The following MTCH1 variants were observed in gnomAD, a reference collection of about 807,000 sequenced individuals.
The protein encoded by MTCH1 is mitochondrial carrier homolog 1.
A neutral mutation model predicts 49.3 loss-of-function variants in MTCH1; 23 were observed. The observed-to-expected ratio is 0.47, with a 90% CI of 0.34 to 0.66. MTCH1 has a LOEUF of 0.66. Among genes scored for constraint, MTCH1 ranks in the 30% least tolerant of loss-of-function variants. MTCH1 has a pLI of 0.01. For missense variants in MTCH1, 397 were observed against 532.1 expected, an observed-to-expected ratio of 0.75 and a Z score of 2.50; for synonymous variants, 229 against 215.2, an observed-to-expected ratio of 1.06 and a Z score of -0.56.
At position 36,985,934 on chromosome 6, in the gene MTCH1, G is replaced by A; in HGVS notation, c.240C>T (p.Thr80=). 1 of 1,552,810 alleles carries A rather than the reference G, an allele frequency of 6.4e-7. No homozygotes were observed. Among genetic ancestry groups the A allele is most frequent in the Non-Finnish European group, 8.7e-7 (1 of 1,148,314 alleles). The change falls in exon 1 of 12, where the codon ACC becomes ACT. Residue 80 remains threonine (T), a synonymous_variant. Coordinates refer to ENST00000373627, the MANE Select transcript of MTCH1 (RefSeq NM_001271641.2). The part of the protein sequence containing the change: ...GGLGSGDNAP[T]TEALFVALGA... ...CCAGTGCCACGAAAAGAGCCTCAGT[G>A]GTCGGGGCGTTGTCCCCAGACCCCA... is the stretch of plus-strand genomic sequence containing the variant.
chr6:36,973,050 C>T (rs1463941570), intron 7 of MTCH1, among the ~76,000 whole-genome samples: 1 of 152,174 alleles, frequency 6.6e-6, no homozygotes, highest in Non-Finnish European at 1.5e-5. Flanking sequence ...AGTTTTCAAA[C>T]CACAGAAGCC....
intron 2 of MTCH1, among the ~76,000 whole-genome samples, chr6:36,980,033 C>G (rs1313767503): frequency 2.0e-5 from 3 of 152,166 alleles, no homozygotes; most frequent in Non-Finnish European, 2.9e-5. Flanking sequence ...GTCATGACAG[C>G]TGCAGTACTT....
intron 2 of MTCH1, among the ~76,000 whole-genome samples, chr6:36,980,400 C>A (rs561594689): frequency 6.6e-6 from 1 of 152,232 alleles, no homozygotes; most frequent in Non-Finnish European, 1.5e-5. Flanking sequence ...CCATCTGCCC[C>A]GGCTGCCTTA....
chr6:36,980,136 G>A (rs1452644860), intron 2 of MTCH1, among the ~76,000 whole-genome samples: 1 of 152,202 alleles, frequency 6.6e-6, no homozygotes, highest in East Asian at 1.9e-4. Context: ...TAGGCCTGGT[G>A]TCCAGAGATC....
chr6:36,970,486 G>A lies in MTCH1; in HGVS notation c.955-13C>T, dbSNP rs750706986. On this transcript the variant is annotated splice_polypyrimidine_tract_variant and intron_variant, in intron 9 of 11. Coordinates refer to ENST00000373627, the MANE Select transcript of MTCH1 (RefSeq NM_001271641.2). ...TGCTCACTGCAATCTGAAACCCAGAGAGGCCTGAGTGCCAGTGACCCACCC... is the reference window on the plus strand; with the variant it reads ...TGCTCACTGCAATCTGAAACCCAGAAAGGCCTGAGTGCCAGTGACCCACCC... 1.2e-5 allele frequency: 20 copies of A among 1,614,048 alleles called. No homozygotes were observed. In the East Asian group the frequency reaches 3.8e-4, roughly 31 times the overall value.
At chr6:36,978,006 G>A (rs984846756) in intron 4 of MTCH1, 72 bp downstream of exon 4, 21 of 1,370,358 alleles carry the variant, frequency 1.5e-5, no homozygotes, top group Middle Eastern at 1.8e-4. Flanking sequence ...TCAATGACCC[G>A]CCCAACTTGG....
At position 36,968,333 on chromosome 6, in the gene MTCH1, G is replaced by C. The variant is rs1003280492; in HGVS notation, c.*570C>G. On this transcript the variant is annotated 3_prime_UTR_variant, in exon 12 of 12. Transcript: ENST00000373627. ...AGATGAGGAGGACACATTCTGAGTAGTTGCATGATTTCCCATTCAGAGGCA... is the reference window on the plus strand; with the variant it reads ...AGATGAGGAGGACACATTCTGAGTACTTGCATGATTTCCCATTCAGAGGCA... The C allele has an allele frequency of 8.2e-6, 2 of 242,544 alleles. No individual in the cohort carries two copies. Among genetic ancestry groups the C allele is most frequent in the African/African-American group, 4.5e-5 (2 of 44,308 alleles). The allele number at this position is 242,544 out of a possible 1,614,324, so 15.0% of individuals were successfully genotyped here.
Position 36,981,605 on chromosome 6 carries a change from G to A in MTCH1, c.389C>T (p.Pro130Leu). The change falls in exon 2 of 12, where the codon CCG (proline) becomes CTG (leucine). Residue 130 changes from proline to leucine, a missense_variant. Physicochemically the swap from Pro to Leu is moderately conservative, Grantham distance 98. Transcript: ENST00000373627. ...ACACTCACCGTAGGTGAAGAAGCTCGGCAGATAGAGGACCTTCCTCCCCAG... is the reference window on the plus strand; with the variant it reads ...ACACTCACCGTAGGTGAAGAAGCTCAGCAGATAGAGGACCTTCCTCCCCAG... ...NVLGRKVLYL[P>L]SFFTYAKYIV... 4.3e-6 allele frequency: 7 copies of A among 1,613,904 alleles called. No homozygotes were observed. The highest frequency in any genetic ancestry group is 5.9e-6 in the Non-Finnish European group (7 of 1,179,906).
At chr6:36,973,113 A>C (rs1475425185) in intron 7 of MTCH1, among the ~76,000 whole-genome samples, 1 of 152,208 alleles carries the variant, frequency 6.6e-6, no homozygotes, top group African/African-American at 2.4e-5. Flanking sequence ...TGCAGATAAT[A>C]AGAGTGCCGA....
rs192469038 is a variant in MTCH1, at chr6:36,973,360, A to G, written c.762-564T>C. Among the ~76,000 whole-genome samples, 303 of 152,328 alleles carry G rather than the reference A, an allele frequency of 2.0e-3. 1 individual carries two copies. The highest frequency in any genetic ancestry group is 6.8e-3 in the African/African-American group (283 of 41,572). On this transcript the variant is annotated intron_variant, in intron 7 of 11. Coordinates refer to ENST00000373627, the MANE Select transcript of MTCH1 (RefSeq NM_001271641.2). ...GCAAAAGGCCAGTTTGAGGTCAGTGAGTCCCATGTGCCTCTTGTGTTTTTT... is the reference window on the plus strand; with the variant it reads ...GCAAAAGGCCAGTTTGAGGTCAGTGGGTCCCATGTGCCTCTTGTGTTTTTT...
chr6:36,985,963 C>T lies in MTCH1; in HGVS notation c.211G>A (p.Gly71Ser), dbSNP rs545428760. ...SARRMDGGSG[G>S]LGSGDNAPTT... is the part of the protein sequence containing the mutation. The stretch of plus-strand genomic sequence containing the variant: ...GGGGCGTTGTCCCCAGACCCCAGGC[C>T]CCCTGACCCGCCATCCATCCTGCGG... Residue 71 changes from glycine to serine, a missense_variant, in exon 1 of 12, where the codon GGC (glycine) becomes AGC (serine). Gly to Ser is a moderately conservative substitution (Grantham distance 56). Coordinates refer to ENST00000373627, the MANE Select transcript of MTCH1 (RefSeq NM_001271641.2). 1.1e-5 allele frequency: 17 copies of T among 1,549,210 alleles called. No individual in the cohort carries two copies. The highest frequency in any genetic ancestry group is 2.4e-5 in the South Asian group (2 of 84,032).
chr6:36,974,810 T>G (rs749073090), intron 7 of MTCH1, among the ~76,000 whole-genome samples: 7 of 152,188 alleles, frequency 4.6e-5, no homozygotes, highest in Non-Finnish European at 1.0e-4. Context: ...TATAAAGACT[T>G]CTTATGAATA....
chr6:36,978,753 C>T, intron 2 of MTCH1, 142 bp from the exon 3 acceptor site: 1 of 626,192 alleles, frequency 1.6e-6, no homozygotes, highest in South Asian at 2.2e-5. Context: ...TGTCCAGGAC[C>T]TGGAAGCAGT....
intron 2 of MTCH1, 141 bp downstream of exon 2, chr6:36,981,447 C>T: frequency 1.4e-6 from 1 of 711,538 alleles, no homozygotes; most frequent in Non-Finnish European, 2.3e-6. Context: ...CCTCTCTGTA[C>T]ACGCTTAGAT....
At chr6:36,986,210 G>A, upstream of MTCH1, 1 of 1,406,754 alleles carries the variant, frequency 7.1e-7, no homozygotes, top group Non-Finnish European at 9.2e-7. Flanking sequence ...GTCACGTGAC[G>A]GGGCCACGCC....
intron 10 of MTCH1, 53 bp downstream of exon 10, chr6:36,970,353 C>T (rs1161441925): frequency 1.2e-6 from 2 of 1,605,956 alleles, no homozygotes; most frequent in African/African-American, 2.7e-5. Flanking sequence ...GTGGGTCTCC[C>T]CCACCCCACA....
At chr6:36,983,447 T>C (rs1764178498) in intron 1 of MTCH1, among the ~76,000 whole-genome samples, 1 of 152,220 alleles carries the variant, frequency 6.6e-6, no homozygotes, top group Non-Finnish European at 1.5e-5. Context: ...ATACTTAAAT[T>C]TGTAACGTTA....
intron 1 of MTCH1, among the ~76,000 whole-genome samples, chr6:36,984,244 A>G (rs1364075470): frequency 1.3e-5 from 2 of 152,008 alleles, no homozygotes; most frequent in African/African-American, 2.4e-5. Flanking sequence ...TTCAAGTTCA[A>G]CTGCTGTAAA....
At chr6:36,980,158 T>C (rs1005025418) in intron 2 of MTCH1, among the ~76,000 whole-genome samples, 3 of 152,144 alleles carry the variant, frequency 2.0e-5, no homozygotes, top group Non-Finnish European at 2.9e-5. Flanking sequence ...CCAACAGACA[T>C]CTGCTCACAC....
Sources: allele counts gnomAD v4.1 joint callset (sites outside exome capture counted in the v4.1 genomes callset), GRCh38; gene constraint gnomAD v4.1.1; transcripts MANE v1.5; gene names NCBI Gene and HGNC (gene_info 2026-07-23, HGNC 2026-07-21).